Variants in FBXO30 observed in about 807,000 individuals in gnomAD.
FBXO30 encodes F-box only protein 30.
A neutral mutation model predicts 58.1 loss-of-function variants in FBXO30; 21 were observed. That is an observed-to-expected ratio of 0.36 (90% CI 0.26 to 0.52). The LOEUF is 0.52. Among genes scored for constraint, FBXO30 ranks in the 20% least tolerant of loss-of-function variants. The probability of loss-of-function intolerance (pLI) is 0.93; values close to 1 mark genes in which losing one functional copy is unlikely to be tolerated. For synonymous variants in FBXO30, 309 were observed against 312.4 expected (o/e 0.99, Z 0.11); for missense variants, 744 against 897.3 (o/e 0.83, Z 2.18).
intron 1 of FBXO30, among the ~76,000 whole-genome samples, chr6:145,810,234 A>T (rs138975193): frequency 6.6e-6 from 1 of 150,954 alleles, no homozygotes; most frequent in South Asian, 2.1e-4. Flanking sequence ...TATTAACTAT[A>T]TTAAGAAAAA....
At chr6:145,808,246 A>C (rs936868569) in intron 1 of FBXO30, among the ~76,000 whole-genome samples, 1 of 151,700 alleles carries the variant, frequency 6.6e-6, no homozygotes, top group African/African-American at 2.4e-5. Flanking sequence ...ACCAAAAAAA[A>C]ACGTCTAATT....
Position 145,806,086 on chromosome 6 carries a change from T to A in FBXO30, c.320A>T (p.Tyr107Phe), listed in dbSNP as rs1466737815. 6.2e-7 allele frequency: 1 copy of A among 1,614,136 alleles called. No individual in the cohort carries two copies. Among genetic ancestry groups the A allele is most frequent in the Admixed American group, 1.7e-5 (1 of 60,004 alleles). Residue 107 changes from tyrosine to phenylalanine, a missense_variant, in exon 2 of 3, where the codon TAT becomes TTT. This residue lies in a region of FBXO30 where 135 missense variants were observed against 201.6 expected (regional missense o/e 0.67). Coordinates refer to ENST00000237281, the MANE Select transcript of FBXO30 (RefSeq NM_032145.5). ...WPVSYADRKS[Y>F]ENLSRDVDEV... ...ATCGACATCTCTGCTTAGATTTTCA[T>A]ATGATTTCCGGTCTGCATAACTAAC...
Position 145,814,498 on chromosome 6 carries a change from C to A in FBXO30, c.-17+105G>T, listed in dbSNP as rs1389642627. 3 of 151,988 alleles carry A rather than the reference C, an allele frequency of 2.0e-5. No individual in the cohort carries two copies. In the East Asian group the frequency reaches 5.8e-4, roughly 30 times the overall value. The allele number at this position is 151,988 out of a possible 1,614,324, so 9.4% of individuals were successfully genotyped here. On this transcript the variant is annotated intron_variant, in intron 1 of 2. Coordinates refer to ENST00000237281, the MANE Select transcript of FBXO30 (RefSeq NM_032145.5). ...CCGTCAACCCCACGGCCGCCAGCGCCAGCGCCTCGGTCCCGGCCGCGGCCT... is the reference window on the plus strand; with the variant it reads ...CCGTCAACCCCACGGCCGCCAGCGCAAGCGCCTCGGTCCCGGCCGCGGCCT...
At chr6:145,803,973 T>C (rs1778084255) in intron 2 of FBXO30, among the ~76,000 whole-genome samples, 3 of 152,240 alleles carry the variant, frequency 2.0e-5, no homozygotes, top group Admixed American at 1.3e-4. Flanking sequence ...AAAATTGCCA[T>C]AGAATGGAGA....
intron 1 of FBXO30, among the ~76,000 whole-genome samples, chr6:145,806,886 A>G (rs1778189059): frequency 6.6e-6 from 1 of 152,236 alleles, no homozygotes; most frequent in Non-Finnish European, 1.5e-5. Context: ...GAATATATTT[A>G]AAACTTTCTT....
intron 1 of FBXO30, 87 bp from the exon 2 acceptor site, chr6:145,806,508 T>C (rs979454060): frequency 1.0e-6 from 1 of 958,556 alleles, no homozygotes; most frequent in African/African-American, 1.6e-5. Flanking sequence ...CACTAATTTA[T>C]CTAATATCTT....
In FBXO30 at chr6:145,804,580, T is replaced by C. The variant is rs934134896; in HGVS notation, c.1826A>G (p.His609Arg). Residue 609 changes from histidine to arginine, a missense_variant, in exon 2 of 3, where the codon CAT becomes CGT. By Grantham distance (29) the His-to-Arg change is conservative (BLOSUM62 0). Around this residue, in one of 3 missense-constraint regions of FBXO30, gnomAD observed 334 missense variants for 433.7 expected, o/e 0.77. Coordinates refer to ENST00000237281, the MANE Select transcript of FBXO30 (RefSeq NM_032145.5). ...AGGAAGACTACTTAGATGGTCATTA[T>C]GTAATCCCAACACACAGTTTCTAGC... ...EPARNCVLGL[H>R]NDHLSSLPFE... The C allele has an allele frequency of 3.7e-6, 6 of 1,613,680 alleles. No homozygotes were observed. The African/African-American group carries it at 6.7e-5, about 18-fold the overall frequency.
intron 1 of FBXO30, among the ~76,000 whole-genome samples, chr6:145,813,109 G>C (rs1042255200): frequency 6.6e-6 from 1 of 152,062 alleles, no homozygotes; most frequent in Non-Finnish European, 1.5e-5. Flanking sequence ...TGACCTTAAA[G>C]TACCTCTCTA....
In FBXO30 at chr6:145,805,341, G is replaced by A. The variant is rs745784772; in HGVS notation, c.1065C>T (p.Leu355=). ...ALPNGTVQHI[L]MPDDEGEGEL... The stretch of plus-strand genomic sequence containing the variant: ...CACCTTCACCTTCATCATCTGGCAT[G>A]AGGATATGCTGAACTGTGCCATTAG... Residue 355 remains leucine (L), a synonymous_variant, in exon 2 of 3, where the codon CTC becomes CTT. Transcript: ENST00000237281. The A allele has an allele frequency of 8.7e-6, 14 of 1,614,072 alleles. No individual in the cohort carries two copies. The South Asian group carries it at 9.9e-5, about 11-fold the overall frequency.
chr6:145,805,427 G>C lies in FBXO30; in HGVS notation c.979C>G (p.Pro327Ala), dbSNP rs754018447. The stretch of plus-strand genomic sequence containing the variant: ...GCTGCCACCGCAAGTGAGCTGGAAG[G>C]TTTTGAAGTGCCATCTGATGATGCC... ...CVASSDGTSK[P>A]SSSLAVAAQL... The change falls in exon 2 of 3, where the codon CCT becomes GCT. Residue 327 changes from proline (P) to alanine (A), a missense_variant. Coordinates refer to ENST00000237281, the MANE Select transcript of FBXO30 (RefSeq NM_032145.5). The C allele has an allele frequency of 2.5e-6, 4 of 1,613,846 alleles. No homozygotes were observed. Among genetic ancestry groups the C allele is most frequent in the Middle Eastern group, 1.7e-4 (1 of 6,056 alleles).
intron 1 of FBXO30, among the ~76,000 whole-genome samples, chr6:145,807,821 ATTAT>A (rs1245102886): frequency 1.3e-5 from 2 of 152,168 alleles, no homozygotes; most frequent in African/African-American, 4.8e-5. Flanking sequence ...ACTTTAAAAG[ATTAT>A]TTAACCTTTA....
rs1193601988 is a variant in FBXO30 at position 145,794,242 on chromosome 6, G to A, written c.*5864C>T. On this transcript the variant is annotated 3_prime_UTR_variant, in exon 3 of 3. Transcript: ENST00000237281. ...TTTTGTGTCTAGCTTCATTCACTTA[G>A]GTTTTTTATCCTCCAAAGAATATCA... 1 of 151,708 alleles carries A rather than the reference G, an allele frequency of 6.6e-6. No homozygotes were observed. The highest frequency in any genetic ancestry group is 6.6e-5 in the Admixed American group (1 of 15,216). The allele number at this position is 151,708 out of a possible 1,614,324, so 9.4% of individuals were successfully genotyped here.
At chr6:145,808,250 T>C (rs1778237835) in intron 1 of FBXO30, among the ~76,000 whole-genome samples, 1 of 149,108 alleles carries the variant, frequency 6.7e-6, no homozygotes. Flanking sequence ...AAAAAAAACG[T>C]CTAATTTCCT....
At chr6:145,806,620 C>T (rs73570042) in intron 1 of FBXO30, among the ~76,000 whole-genome samples, 199 bp from the exon 2 acceptor site, 3,645 of 152,166 alleles carry the variant, frequency 0.024, 150 homozygotes, top group African/African-American at 0.083. Context: ...ATTCTAGTAA[C>T]AATTCAATAC....
chr6:145,813,305 C>T (rs1487662861), intron 1 of FBXO30, among the ~76,000 whole-genome samples: 1 of 150,846 alleles, frequency 6.6e-6, no homozygotes, highest in African/African-American at 2.4e-5. Context: ...CACGAAACTC[C>T]ACCATTTCCA....
chr6:145,805,007 T>C lies in FBXO30; in HGVS notation c.1399A>G (p.Ile467Val), dbSNP rs769371575. ...CCAACCATTGTACTTGTAGCTAATATTGCAGATGGAAGTGAAAAAGTCTGA... is the reference window on the plus strand; with the variant it reads ...CCAACCATTGTACTTGTAGCTAATACTGCAGATGGAAGTGAAAAAGTCTGA... Reference protein sequence around the residue: ...GTQTFSLPSAILATSTMVGEI... With the variant: ...GTQTFSLPSAVLATSTMVGEI... Residue 467 changes from isoleucine to valine, a missense_variant, in exon 2 of 3, where the codon ATA becomes GTA. Coordinates refer to ENST00000237281, the MANE Select transcript of FBXO30 (RefSeq NM_032145.5). 9 of 1,613,818 alleles carry C rather than the reference T, an allele frequency of 5.6e-6. No individual in the cohort carries two copies. The East Asian group carries it at 6.7e-5, about 12-fold the overall frequency.
chr6:145,806,196 G>A lies in FBXO30; in HGVS notation c.210C>T (p.Thr70=), dbSNP rs1172962693. Residue 70 remains threonine (T), a synonymous_variant, in exon 2 of 3, where the codon ACC becomes ACT. Transcript: ENST00000237281. ...CLNSDFGCPF[T]MARNKVAEHL... is the part of the protein sequence containing the mutation. ...GTTCAGCAACTTTATTTCGGGCCAT[G>A]GTAAATGGACATCCAAAGTCACTAT... The A allele has an allele frequency of 1.9e-6, 3 of 1,613,994 alleles. No homozygotes were observed. In the African/African-American group the frequency reaches 4.0e-5, roughly 22 times the overall value.
At position 145,797,899 on chromosome 6, in the gene FBXO30, T is replaced by G. The variant is rs750114727; in HGVS notation, c.*2207A>C. ...CATACTTAAGAGGAGAGAGAGATGG[T>G]TTCCATGACAACTTTTAGAGCTATA... On this transcript the variant is annotated 3_prime_UTR_variant, in exon 3 of 3. Transcript: ENST00000237281. 6.6e-6 allele frequency: 1 copy of G among 152,022 alleles called. No homozygotes were observed. Among genetic ancestry groups the G allele is most frequent in the Non-Finnish European group, 1.5e-5 (1 of 67,956 alleles). The allele number at this position is 152,022 out of a possible 1,614,324, so 9.4% of individuals were successfully genotyped here.
In FBXO30 at chr6:145,804,415, C is replaced by T. The variant is rs1349738008; in HGVS notation, c.1991G>A (p.Arg664Lys). Residue 664 changes from arginine (R) to lysine (K), a missense_variant, in exon 2 of 3, where the codon AGG becomes AAG. Physicochemically the swap from Arg to Lys is conservative, Grantham distance 26 (BLOSUM62 2). This residue lies in a region of FBXO30 where 334 missense variants were observed against 433.7 expected (regional missense o/e 0.77). Transcript: ENST00000237281. The stretch of plus-strand genomic sequence containing the variant: ...TGATGAATTTCCTTCTGGATACTTC[C>T]TTTTCCCCCACTGCAGTATGACCAT... Reference protein sequence around the residue: ...RGMVILQWGKRKYPEGNSSWQ... With the variant: ...RGMVILQWGKKKYPEGNSSWQ... 1 of 1,613,358 alleles carries T rather than the reference C, an allele frequency of 6.2e-7. No individual in the cohort carries two copies. Among genetic ancestry groups the T allele is most frequent in the Non-Finnish European group, 8.5e-7 (1 of 1,179,616 alleles).
Sources: allele counts gnomAD v4.1 joint callset (sites outside exome capture counted in the v4.1 genomes callset), GRCh38; gene constraint gnomAD v4.1.1; regional missense constraint gnomAD v4.1.1; transcripts MANE v1.5; gene names NCBI Gene and HGNC (gene_info 2026-07-23, HGNC 2026-07-21).